Variants in GCA observed in about 807,000 individuals in gnomAD.
The protein encoded by GCA is grancalcin.
GCA carries 30 observed loss-of-function variants against 32.6 expected under a neutral mutation model. The ratio of observed to expected loss-of-function variants is 0.92; its 90% CI spans 0.69 to 1.25. The LOEUF is 1.25. Among genes scored for constraint, GCA ranks in the 50% most tolerant of loss-of-function variants. The probability of loss-of-function intolerance (pLI) is 0.00; values close to 1 mark genes in which losing one functional copy is unlikely to be tolerated. For missense variants in GCA, 291 were observed against 266.8 expected, an observed-to-expected ratio of 1.09 and a Z score of -0.63; for synonymous variants, 102 against 84.6, an observed-to-expected ratio of 1.21 and a Z score of -1.13.
chr2:162,364,971 C>T (rs1347688892), downstream of GCA, among the ~76,000 whole-genome samples: 1 of 151,338 alleles, frequency 6.6e-6, no homozygotes. Context: ...AGATTTAATG[C>T]TTTTTGCCAC....
intron 5 of GCA, among the ~76,000 whole-genome samples, chr2:162,357,746 A>C (rs188351289): frequency 2.1e-4 from 32 of 151,800 alleles, no homozygotes; most frequent in Admixed American, 1.8e-3. Flanking sequence ...CTAATGGATT[A>C]AACCTGGACC....
intron 5 of GCA, among the ~76,000 whole-genome samples, chr2:162,358,000 A>G (rs946440882): frequency 2.0e-5 from 3 of 151,648 alleles, no homozygotes; most frequent in African/African-American, 7.2e-5. Flanking sequence ...ATTTGCATAT[A>G]ATTACATTAG....
rs1685640135 is a variant in GCA at position 162,362,994 on chromosome 2, G to A, written c.*2751G>A. Among the ~76,000 whole-genome samples, 1 of 151,020 alleles carries A rather than the reference G, an allele frequency of 6.6e-6. No homozygotes were observed. Among genetic ancestry groups the A allele is most frequent in the Non-Finnish European group, 1.5e-5 (1 of 67,436 alleles). On this transcript the variant is annotated 3_prime_UTR_variant, in exon 8 of 8. Transcript: ENST00000437150. ...TCTGTTAATACAGTTTAAAGTCTGT[G>A]GAGTTAAAAAAAATAACAAAAAATC... is the stretch of plus-strand genomic sequence containing the variant.
intron 4 of GCA, 107 bp downstream of exon 4, chr2:162,356,588 A>C (rs1318444427): frequency 5.7e-6 from 5 of 873,786 alleles, no homozygotes; most frequent in Non-Finnish European, 9.4e-6. Flanking sequence ...TGAATTTAAA[A>C]ATACTTTGTA....
At chr2:162,369,110 T>C (rs953117096) in intron 4 of GCA, among the ~76,000 whole-genome samples, 1 of 152,092 alleles carries the variant, frequency 6.6e-6, no homozygotes, top group African/African-American at 2.4e-5. Flanking sequence ...TACACTGCCA[T>C]TATGATTGGC....
At chr2:162,342,964 T>G (rs981820468), upstream of GCA, among the ~76,000 whole-genome samples, 1 of 152,234 alleles carries the variant, frequency 6.6e-6, no homozygotes, top group Non-Finnish European at 1.5e-5. Flanking sequence ...TCTTACAGCA[T>G]TGAAGGAACT....
At chr2:162,335,469 T>C (rs1384205009) in intron 1 of GCA, among the ~76,000 whole-genome samples, 1 of 149,846 alleles carries the variant, frequency 6.7e-6, no homozygotes, top group East Asian at 2.0e-4. Context: ...TCCCTGTAGC[T>C]ATTTGTAACA....
chr2:162,352,400 TTAC>T lies in GCA; in HGVS notation c.257_259del (p.Tyr86del). On this transcript the variant is annotated inframe_deletion, in exon 3 of 8. Coordinates refer to ENST00000437150, the MANE Select transcript of GCA (RefSeq NM_012198.5). Reference sequence around the variant, plus strand: ...TGACACAGTCTGGAATTAATGGAACTTACTCTCGTGAGATCTTTTTTCCCCTTT... The same window carrying T: ...TGACACAGTCTGGAATTAATGGAACTTCTCGTGAGATCTTTTTTCCCCTTT... 6.4e-7 allele frequency: 1 copy of T among 1,556,952 alleles called. No homozygotes were observed. The highest frequency in any genetic ancestry group is 8.9e-7 in the Non-Finnish European group (1 of 1,128,314).
At chr2:162,340,656 CTGTGAAGCCCT>C (rs1197487329), upstream of GCA, among the ~76,000 whole-genome samples, 1 of 152,200 alleles carries the variant, frequency 6.6e-6, no homozygotes, top group Non-Finnish European at 1.5e-5. Flanking sequence ...TTAAAATGGT[CTGTGAAGCCCT>C]GCATGATCTG....
chr2:162,344,864 T>G (rs1365823653), intron 1 of GCA, among the ~76,000 whole-genome samples: 1 of 152,150 alleles, frequency 6.6e-6, no homozygotes, highest in East Asian at 1.9e-4. Context: ...GGCTAGCCCC[T>G]TCTTTTCAGA....
downstream of GCA, among the ~76,000 whole-genome samples, chr2:162,363,446 A>G (rs1347830692): frequency 6.6e-6 from 1 of 151,528 alleles, no homozygotes; most frequent in East Asian, 1.9e-4. Flanking sequence ...TCTAGAGTTT[A>G]TACATAATAC....
rs760244548 is a variant in GCA, at chr2:162,356,921, T to G, written c.454+16T>G. On this transcript the variant is annotated intron_variant, in intron 5 of 7. Coordinates refer to ENST00000437150, the MANE Select transcript of GCA (RefSeq NM_012198.5). ...GGTCTTATGGGTAAGAACATTAACATTCTTTAGAATCTATAAAGCTAATCT... is the reference window on the plus strand; with the variant it reads ...GGTCTTATGGGTAAGAACATTAACAGTCTTTAGAATCTATAAAGCTAATCT... 6.4e-7 allele frequency: 1 copy of G among 1,552,948 alleles called. No individual in the cohort carries two copies. The highest frequency in any genetic ancestry group is 8.8e-7 in the Non-Finnish European group (1 of 1,135,944).
Position 162,331,383 on chromosome 2 carries a change from T to A in GCA, c.-31+12158T>A, listed in dbSNP as rs567055365. On this transcript the variant is annotated intron_variant, in intron 1 of 4. Coordinates refer to the GCA transcript ENST00000429691. ...ACTGAATTCACACATATGAAACCCA[T>A]GAATAGTGAGTATCAACTATCCTAT... Among the ~76,000 whole-genome samples the A allele has an allele frequency of 7.3e-5, 11 of 149,942 alleles. No individual in the cohort carries two copies. The East Asian group carries it at 1.9e-3, about 26-fold the overall frequency.
intron 1 of GCA, among the ~76,000 whole-genome samples, chr2:162,329,852 A>T (rs969393822): frequency 1.3e-5 from 2 of 152,104 alleles, no homozygotes; most frequent in African/African-American, 4.8e-5. Flanking sequence ...ACTATCCAGT[A>T]GGCCACAGCG....
intron 1 of GCA, chr2:162,346,728 A>G (rs1274647507): frequency 6.6e-6 from 1 of 152,240 alleles, no homozygotes; most frequent in Non-Finnish European, 1.5e-5. Context: ...ACAGTTTCAA[A>G]TGAGTCAAAA....
intron 2 of GCA, among the ~76,000 whole-genome samples, chr2:162,349,222 A>T (rs1282247270): frequency 6.6e-6 from 1 of 152,172 alleles, no homozygotes; most frequent in Admixed American, 6.5e-5. Context: ...TGATTCCTGA[A>T]TTAACTATCC....
rs750619966 is a variant in GCA at position 162,347,618 on chromosome 2, G to A, written c.68G>A (p.Gly23Glu). ...ATTCAGGTGCCAGGAATGCAGATGG[G>A]ACAGCCAGTGCCAGAAACAGGCCCA... Reference protein sequence around the residue: ...FSIQVPGMQMGQPVPETGPAI... With the variant: ...FSIQVPGMQMEQPVPETGPAI... Residue 23 changes from glycine to glutamate, a missense_variant, in exon 2 of 8, where the codon GGA (glycine) becomes GAA (glutamate). Gly to Glu is a moderately conservative substitution (Grantham distance 98). Transcript: ENST00000437150. 1 of 1,609,528 alleles carries A rather than the reference G, an allele frequency of 6.2e-7. No homozygotes were observed. The highest frequency in any genetic ancestry group is 2.2e-5 in the East Asian group (1 of 44,766).
chr2:162,359,590 G>A (rs145237104), intron 7 of GCA, 38 bp downstream of exon 7: 4 of 1,072,810 alleles, frequency 3.7e-6, no homozygotes, highest in Non-Finnish European at 5.6e-6. Flanking sequence ...CTGCATTCTA[G>A]ATAGTTCTCA....
At chr2:162,350,029 T>C (rs1345843336) in intron 2 of GCA, among the ~76,000 whole-genome samples, 1 of 152,190 alleles carries the variant, frequency 6.6e-6, no homozygotes, top group Non-Finnish European at 1.5e-5. Context: ...CCCAATTTCA[T>C]TTAAAACCCC....
Sources: allele counts gnomAD v4.1 joint callset (sites outside exome capture counted in the v4.1 genomes callset), GRCh38; gene constraint gnomAD v4.1.1; transcripts MANE v1.5; gene names NCBI Gene and HGNC (gene_info 2026-07-23, HGNC 2026-07-21).